KIF13A: variants seen among roughly 807,000 people sequenced by gnomAD.
The protein encoded by KIF13A is kinesin-like protein KIF13A.
In KIF13A, 79 loss-of-function variants were observed where a neutral mutation model predicts 212.2. The observed-to-expected ratio is 0.37, with a 90% CI of 0.31 to 0.45. KIF13A has a LOEUF of 0.45. Ranked by LOEUF, KIF13A falls within the 20% of genes least tolerant of loss-of-function variation. KIF13A has a pLI of 1.00. For synonymous variants in KIF13A, 789 were observed against 808.6 expected (o/e 0.98, Z 0.41); for missense variants, 1,901 against 2,209.0 (o/e 0.86, Z 2.79).
Position 17,763,962 on chromosome 6 carries a change from A to G in KIF13A, c.*148T>C. ...ACAATTGCGTTCTAGTTCCCAAAAC[A>G]GACTTGCTCTCCGACAGAGACAGCT... On this transcript the variant is annotated 3_prime_UTR_variant, in exon 39 of 39. Coordinates refer to ENST00000259711, the MANE Select transcript of KIF13A (RefSeq NM_022113.6). 6.9e-7 allele frequency: 1 copy of G among 1,445,104 alleles called. No individual in the cohort carries two copies. The allele number at this position is 1,445,104 out of a possible 1,614,324, so 89.5% of individuals were successfully genotyped here.
chr6:17,958,461 A>C (rs1354883363), intron 2 of KIF13A, among the ~76,000 whole-genome samples: 1 of 152,238 alleles, frequency 6.6e-6, no homozygotes, highest in Non-Finnish European at 1.5e-5. Context: ...GAAATTGCTA[A>C]GTAAAATATC....
At chr6:17,904,790 C>T (rs1303258997) in intron 2 of KIF13A, among the ~76,000 whole-genome samples, 5 of 152,220 alleles carry the variant, frequency 3.3e-5, no homozygotes, top group Admixed American at 6.5e-5. Flanking sequence ...CAATGCCCTA[C>T]GACGTGTGTG....
At chr6:17,781,123 C>T in intron 30 of KIF13A, 54 bp downstream of exon 30, 5 of 1,607,810 alleles carry the variant, frequency 3.1e-6, no homozygotes, top group Non-Finnish European at 4.3e-6. Context: ...AGCAGGCCCA[C>T]AAGCCTTGTG....
Position 17,873,399 on chromosome 6 carries a change from T to G in KIF13A, c.198A>C (p.Glu66Asp), listed in dbSNP as rs190798348. The G allele has an allele frequency of 1.4e-4, 228 of 1,596,412 alleles. No homozygotes were observed. The African/African-American group carries it at 2.0e-3, about 14-fold the overall frequency. ...AFDYCFWSMD[E>D]SNTTKYAGQE... ...TACCAGCGTATTTTGTAGTGTTAGA[T>G]TCATCCATGGACCAAAAGCAATAAT... The change falls in exon 4 of 39, where the codon GAA (glutamate) becomes GAC (aspartate). Residue 66 changes from glutamate to aspartate, a missense_variant. Coordinates refer to ENST00000259711, the MANE Select transcript of KIF13A (RefSeq NM_022113.6).
chr6:17,830,898 A>G (rs1359392043), intron 13 of KIF13A, among the ~76,000 whole-genome samples: 1 of 152,020 alleles, frequency 6.6e-6, no homozygotes, highest in African/African-American at 2.4e-5. Flanking sequence ...CTCACAGGAG[A>G]TCAGCCCCAA....
chr6:17,971,721 G>C lies in KIF13A; in HGVS notation c.146+15333C>G, dbSNP rs763068516. Among the ~76,000 whole-genome samples the C allele has an allele frequency of 2.0e-5, 3 of 152,046 alleles. No homozygotes were observed. The highest frequency in any genetic ancestry group is 4.4e-5 in the Non-Finnish European group (3 of 68,022). On this transcript the variant is annotated intron_variant, in intron 2 of 38. Coordinates refer to ENST00000259711, the MANE Select transcript of KIF13A (RefSeq NM_022113.6). This position sits in a 1 kb window ranked among gnomAD's most constrained non-coding sequence, Gnocchi z 4.2. The stretch of plus-strand genomic sequence containing the variant: ...ATTACAGGAGTGAGTCACCACGTCC[G>C]GCTTGCTCTTGTTTTAGTGTGATTA...
Position 17,785,428 on chromosome 6 carries a change from C to T in KIF13A, c.3488+87G>A. ...TTCAGCTGGTTGGCATTTTCTGTGA[C>T]AATCCTGGAAAGTCTCTTGCATGGC... On this transcript the variant is annotated intron_variant, in intron 28 of 38. Transcript: ENST00000259711. The surrounding 1 kb of genome is among the most constrained non-coding windows in gnomAD (Gnocchi z 5.8). 1 of 1,379,680 alleles carries T rather than the reference C, an allele frequency of 7.2e-7. No homozygotes were observed. The allele number at this position is 1,379,680 out of a possible 1,614,324, so 85.5% of individuals were successfully genotyped here. A position where few individuals can be genotyped will look rare whatever the true frequency, so the allele number is the denominator to read the frequency against.
Position 17,834,979 on chromosome 6 carries a change from G to A in KIF13A, c.1156-908C>T, listed in dbSNP as rs1765792665. The stretch of plus-strand genomic sequence containing the variant: ...AGGCTGAGGTGGGTGAATCACTTGA[G>A]ACCAGCCTGGCTAACATGGCGAAAC... On this transcript the variant is annotated intron_variant, in intron 11 of 38. Transcript: ENST00000259711. The surrounding 1 kb of genome is among the most constrained non-coding windows in gnomAD (Gnocchi z 4.0). Among the ~76,000 whole-genome samples the A allele has an allele frequency of 6.6e-6, 1 of 151,872 alleles. No individual in the cohort carries two copies. The highest frequency in any genetic ancestry group is 2.1e-4 in the South Asian group (1 of 4,824).
At position 17,773,153 on chromosome 6, in the gene KIF13A, C is replaced by T. The variant is rs890405964; in HGVS notation, c.4324+325G>A. 6.6e-6 allele frequency among the ~76,000 whole-genome samples: 1 copy of T among 152,224 alleles called. No homozygotes were observed. Among genetic ancestry groups the T allele is most frequent in the East Asian group, 1.9e-4 (1 of 5,176 alleles). ...CTTTGAGTACACAAATATGACAGAG[C>T]TGGATATTCTGGTAGAAAATAATAG... On this transcript the variant is annotated intron_variant, in intron 36 of 38. Coordinates refer to ENST00000259711, the MANE Select transcript of KIF13A (RefSeq NM_022113.6). The surrounding 1 kb of genome is among the most constrained non-coding windows in gnomAD (Gnocchi z 4.2).
At chr6:17,969,284 GC>G (rs1779595179) in intron 2 of KIF13A, among the ~76,000 whole-genome samples, 1 of 152,206 alleles carries the variant, frequency 6.6e-6, no homozygotes, top group Non-Finnish European at 1.5e-5. Context: ...TGACCACACG[GC>G]TGGAGGCTCT....
chr6:17,825,782 G>T lies in KIF13A; in HGVS notation c.1772C>A (p.Thr591Asn). ...GAGGGTCTTACCATTACTATTCAGG[G>T]TTTTCATGATAACTTCCATCTGTGC... Reference protein sequence around the residue: ...EFAQMEVIMKTLNSNDPVQNV... With the variant: ...EFAQMEVIMKNLNSNDPVQNV... The change falls in exon 16 of 39, where the codon ACC (threonine) becomes AAC (asparagine). Residue 591 changes from threonine (T) to asparagine (N), a missense_variant. Physicochemically the swap from Thr to Asn is moderately conservative, Grantham distance 65. This residue lies in a region of KIF13A where 534 missense variants were observed against 536.9 expected (regional missense o/e 0.99). Coordinates refer to ENST00000259711, the MANE Select transcript of KIF13A (RefSeq NM_022113.6). The surrounding 1 kb of genome is among the most constrained non-coding windows in gnomAD (Gnocchi z 4.5). 1 of 1,613,714 alleles carries T rather than the reference G, an allele frequency of 6.2e-7. No individual in the cohort carries two copies. The highest frequency in any genetic ancestry group is 2.2e-5 in the East Asian group (1 of 44,882).
At chr6:17,894,802 A>G (rs1209002881) in intron 3 of KIF13A, among the ~76,000 whole-genome samples, 3 of 152,160 alleles carry the variant, frequency 2.0e-5, no homozygotes, top group Non-Finnish European at 4.4e-5. Context: ...AGTTTCCCCT[A>G]TGCTTTACTT....
At chr6:17,767,076 C>T (rs548947664) in intron 38 of KIF13A, among the ~76,000 whole-genome samples, 1 of 152,250 alleles carries the variant, frequency 6.6e-6, no homozygotes, top group African/African-American at 2.4e-5. Flanking sequence ...CTAATCTCTT[C>T]TCATCTTTAT....
At chr6:17,788,101 G>C (rs1438773909) in intron 26 of KIF13A, among the ~76,000 whole-genome samples, 2 of 152,098 alleles carry the variant, frequency 1.3e-5, no homozygotes, top group Non-Finnish European at 2.9e-5. Flanking sequence ...TCTCCAGAAG[G>C]ATAATTATAC....
chr6:17,791,453 A>C (rs1761546812), intron 25 of KIF13A, among the ~76,000 whole-genome samples: 1 of 151,746 alleles, frequency 6.6e-6, no homozygotes, highest in Non-Finnish European at 1.5e-5. Flanking sequence ...GGAACATGGC[A>C]GCAAAGAAAA....
At chr6:17,906,487 T>C (rs1773515306) in intron 2 of KIF13A, among the ~76,000 whole-genome samples, 2 of 143,838 alleles carry the variant, frequency 1.4e-5, no homozygotes, top group Non-Finnish European at 3.0e-5. Context: ...CTCACTCTGC[T>C]GCCTAGGCTG....
At chr6:17,761,383 C>G (rs1758578564), downstream of KIF13A, among the ~76,000 whole-genome samples, 1 of 148,918 alleles carries the variant, frequency 6.7e-6, no homozygotes, top group Non-Finnish European at 1.5e-5. Flanking sequence ...GCCTGGCCGC[C>G]AAAATTTTTT....
In KIF13A at chr6:17,855,604, G is replaced by T; in HGVS notation, c.327C>A (p.Ser109=). The change falls in exon 6 of 39, where the codon TCC becomes TCA. Residue 109 remains serine, a synonymous_variant. Transcript: ENST00000259711. The surrounding 1 kb of genome is among the most constrained non-coding windows in gnomAD (Gnocchi z 4.1). ...GCTCAGCATGGCCCATCATGGAAAA[G>T]GATTTTCCCGAACCTGGAGAACAGC... The part of the protein sequence containing the change: ...FAYGQTGSGK[S]FSMMGHAEQL... The T allele has an allele frequency of 6.3e-7, 1 of 1,598,974 alleles. No individual in the cohort carries two copies. Among genetic ancestry groups the T allele is most frequent in the Non-Finnish European group, 8.5e-7 (1 of 1,176,040 alleles).
At chr6:17,976,320 G>A (rs1581926648) in intron 2 of KIF13A, among the ~76,000 whole-genome samples, 2 of 152,220 alleles carry the variant, frequency 1.3e-5, no homozygotes, top group Non-Finnish European at 2.9e-5. Context: ...TGCAGGTCGC[G>A]AGCCCTGCCC....
Sources: allele counts gnomAD v4.1 joint callset (sites outside exome capture counted in the v4.1 genomes callset), GRCh38; gene constraint gnomAD v4.1.1; regional missense constraint gnomAD v4.1.1; non-coding constraint Gnocchi (gnomAD v3.1); transcripts MANE v1.5; gene names NCBI Gene and HGNC (gene_info 2026-07-23, HGNC 2026-07-21).